Variants in CFAP54 observed in about 807,000 individuals in gnomAD.
CFAP54 encodes cilia- and flagella-associated protein 54.
A neutral mutation model predicts 370.4 loss-of-function variants in CFAP54; 290 were observed. That is an observed-to-expected ratio of 0.78 (90% CI 0.71 to 0.86). The LOEUF is 0.86. Ranked by LOEUF, CFAP54 falls within the 40% of genes least tolerant of loss-of-function variation. The pLI is 0.00. For synonymous variants in CFAP54, 1,206 were observed against 1,236.5 expected, an observed-to-expected ratio of 0.98 and a Z score of 0.52; for missense variants, 3,399 against 3,528.7, an observed-to-expected ratio of 0.96 and a Z score of 0.93.
At chr12:96,743,613 CA>C (rs1378832835) in intron 53 of CFAP54, 54 bp downstream of exon 53, 16 of 1,604,380 alleles carry the variant, frequency 1.0e-5, no homozygotes, top group Non-Finnish European at 1.4e-5. Context: ...CCAGTTAGAA[CA>C]AAAGGAGAGA....
chr12:96,723,397 T>C (rs986818598), intron 50 of CFAP54, among the ~76,000 whole-genome samples: 9 of 152,062 alleles, frequency 5.9e-5, no homozygotes, highest in Non-Finnish European at 1.3e-4. Context: ...AAGTGACCAG[T>C]AAGATAGAAG....
At chr12:96,562,215 TTTATCC>T (rs1955822951) in intron 17 of CFAP54, among the ~76,000 whole-genome samples, 1 of 152,162 alleles carries the variant, frequency 6.6e-6, no homozygotes, top group African/African-American at 2.4e-5. Flanking sequence ...ACTCATTTGT[TTTATCC>T]TGGCAAATTA....
chr12:96,589,157 A>G (rs1298500726), intron 22 of CFAP54, among the ~76,000 whole-genome samples: 1 of 152,212 alleles, frequency 6.6e-6, no homozygotes. Flanking sequence ...TTTTGCTTAT[A>G]AGGATTTGAA....
At position 96,489,651 on chromosome 12, in the gene CFAP54, C is replaced by G. The variant is rs755720435; in HGVS notation, c.42C>G (p.Asp14Glu). 1.0e-5 allele frequency: 16 copies of G among 1,533,348 alleles called. No homozygotes were observed. The highest frequency in any genetic ancestry group is 1.3e-5 in the Non-Finnish European group (15 of 1,144,640). The allele number at this position is 1,533,348 out of a possible 1,614,324, so 95.0% of individuals were successfully genotyped here. A position where few individuals can be genotyped will look rare whatever the true frequency, so the allele number is the denominator to read the frequency against. ...QGSPSSSPSD[D>E]STTSGSLPEL... ...CCCCCTCGAGCTCTCCGTCAGACGA[C>G]TCTACCACCTCGGGGTCTCTGCCAG... The change falls in exon 1 of 68, where the codon GAC (aspartate) becomes GAG (glutamate). Residue 14 changes from aspartate to glutamate, a missense_variant. Asp to Glu is a conservative substitution (Grantham distance 45, BLOSUM62 2). Transcript: ENST00000524981.
At chr12:96,704,063 A>G (rs1049326537) in intron 46 of CFAP54, among the ~76,000 whole-genome samples, 3 of 152,196 alleles carry the variant, frequency 2.0e-5, no homozygotes, top group African/African-American at 7.2e-5. Context: ...GAAGTTTACA[A>G]ATAATGATAT....
chr12:96,626,866 C>A lies in CFAP54; in HGVS notation c.4030C>A (p.Leu1344Ile). The change falls in exon 30 of 68, where the codon CTA (leucine) becomes ATA (isoleucine). Residue 1344 changes from leucine (L) to isoleucine (I), a missense_variant. By Grantham distance (5) the Leu-to-Ile change is conservative (BLOSUM62 2). Coordinates refer to ENST00000524981, the MANE Select transcript of CFAP54 (RefSeq NM_001306084.2). The part of the protein sequence containing the change: ...RFLEFFTQVM[L>I]KCMNEEKFHL... ...TCTGGAATTCTTTACACAAGTTATG[C>A]TAAAATGCATGAATGAGGAAAAATT... is the stretch of plus-strand genomic sequence containing the variant. 7.0e-7 allele frequency: 1 copy of A among 1,423,508 alleles called. No homozygotes were observed. The highest frequency in any genetic ancestry group is 9.3e-7 in the Non-Finnish European group (1 of 1,077,882). The allele number at this position is 1,423,508 out of a possible 1,614,324, so 88.2% of individuals were successfully genotyped here.
In CFAP54 at chr12:96,541,831, C is replaced by T. The variant is rs535617844; in HGVS notation, c.2077+844C>T. 2.0e-5 allele frequency among the ~76,000 whole-genome samples: 3 copies of T among 151,792 alleles called. No homozygotes were observed. The South Asian group carries it at 6.2e-4, about 32-fold the overall frequency. On this transcript the variant is annotated intron_variant, in intron 14 of 67. Transcript: ENST00000524981. The stretch of plus-strand genomic sequence containing the variant: ...ATTCTTTCTTCATTTATTGTTTCTC[C>T]TCCCCTTTCTCTTTTTCTTCTTATC...
At chr12:96,624,149 G>T (rs894398061) in intron 28 of CFAP54, among the ~76,000 whole-genome samples, 24 of 152,174 alleles carry the variant, frequency 1.6e-4, no homozygotes, top group Admixed American at 8.5e-4. Context: ...TCTAAAGCAA[G>T]TTTTCTCAAC....
At chr12:96,715,409 T>C (rs1216705781) in intron 48 of CFAP54, among the ~76,000 whole-genome samples, 1 of 152,078 alleles carries the variant, frequency 6.6e-6, no homozygotes, top group East Asian at 1.9e-4. Flanking sequence ...TTAAGGTGTT[T>C]GCAAGAGTGA....
intron 60 of CFAP54, among the ~76,000 whole-genome samples, chr12:96,781,792 C>T (rs952500499): frequency 6.6e-6 from 1 of 151,880 alleles, no homozygotes; most frequent in African/African-American, 2.4e-5. Flanking sequence ...TATTTCATGT[C>T]ACAGAAAAAG....
At chr12:96,866,229 AT>A (rs1231964659) in intron 67 of CFAP54, among the ~76,000 whole-genome samples, 3 of 152,082 alleles carry the variant, frequency 2.0e-5, no homozygotes, top group Non-Finnish European at 4.4e-5. Flanking sequence ...TGACTCTAAA[AT>A]TTCTATAGCA....
In CFAP54 at chr12:96,598,665, G is replaced by A. The variant is rs1413067174; in HGVS notation, c.3537G>A (p.Val1179=). The A allele has an allele frequency of 1.5e-6, 1 of 668,292 alleles. No individual in the cohort carries two copies. The highest frequency in any genetic ancestry group is 2.1e-5 in the Admixed American group (1 of 46,992). The allele number at this position is 668,292 out of a possible 1,614,324, so 41.4% of individuals were successfully genotyped here. A position where few individuals can be genotyped will look rare whatever the true frequency, so the allele number is the denominator to read the frequency against. ...TTTAGATCCTGATAAAGTGTATAGT[G>A]GTTTTGCAAGGACTACCAAGTATTG... is the stretch of plus-strand genomic sequence containing the variant. ...PVVQILIKCI[V]VLQGLPSIVC... is the part of the protein sequence containing the mutation. Residue 1179 remains valine (V), a synonymous_variant, in exon 26 of 68, where the codon GTG becomes GTA. Transcript: ENST00000524981.
chr12:96,814,288 T>C (rs902719399), intron 64 of CFAP54, among the ~76,000 whole-genome samples: 3 of 152,368 alleles, frequency 2.0e-5, no homozygotes, highest in Middle Eastern at 3.4e-3. Flanking sequence ...ATGTGGTTAC[T>C]TGTGGTTAAG....
intron 67 of CFAP54, among the ~76,000 whole-genome samples, chr12:96,871,733 C>A (rs888379358): frequency 2.0e-4 from 31 of 152,060 alleles, no homozygotes; most frequent in African/African-American, 7.2e-4. Flanking sequence ...AATGGAAATC[C>A]TTAAACTGGA....
At chr12:96,709,903 G>T (rs1398844579) in intron 48 of CFAP54, among the ~76,000 whole-genome samples, 1 of 151,912 alleles carries the variant, frequency 6.6e-6, no homozygotes, top group African/African-American at 2.4e-5. Context: ...TGTGGTTTTC[G>T]TAGAGATAGG....
intron 56 of CFAP54, among the ~76,000 whole-genome samples, chr12:96,754,790 C>T (rs1310435329): frequency 2.0e-5 from 3 of 151,760 alleles, no homozygotes; most frequent in African/African-American, 7.3e-5. Context: ...GTTGCCCAGG[C>T]TGGAGTGCAG....
intron 67 of CFAP54, among the ~76,000 whole-genome samples, chr12:96,870,710 G>C (rs550813401): frequency 6.6e-6 from 1 of 152,130 alleles, no homozygotes; most frequent in South Asian, 2.1e-4. Context: ...GGTAATGATA[G>C]GAGTTCATTT....
intron 9 of CFAP54, among the ~76,000 whole-genome samples, chr12:96,531,881 C>T (rs1416299334): frequency 6.6e-6 from 1 of 152,186 alleles, no homozygotes; most frequent in Non-Finnish European, 1.5e-5. Context: ...TGCACCACCA[C>T]GCCGGGCCAA....
At chr12:96,511,764 G>A (rs1389090378) in intron 4 of CFAP54, among the ~76,000 whole-genome samples, 3 of 152,248 alleles carry the variant, frequency 2.0e-5, no homozygotes, top group Admixed American at 1.3e-4. Flanking sequence ...GATTATAGGC[G>A]TGAGCCACGG....
Sources: gnomAD v4.1 joint callset for allele counts (sites outside exome capture counted in the v4.1 genomes callset) on GRCh38, gnomAD v4.1.1 for gene constraint, MANE v1.5 for transcripts, NCBI Gene and HGNC (gene_info 2026-07-23, HGNC 2026-07-21) for gene names.